Variants in COL12A1 observed in about 807,000 individuals in gnomAD.
The protein encoded by COL12A1 is collagen alpha-1(XII) chain.
COL12A1 carries 114 observed loss-of-function variants against 349.7 expected under a neutral mutation model. The observed-to-expected ratio is 0.33, with a 90% CI of 0.28 to 0.38. The LOEUF is 0.38. Ranked by LOEUF, COL12A1 falls within the 10% of genes least tolerant of loss-of-function variation. The pLI is 1.00. For missense variants in COL12A1, 3,284 were observed against 3,756.9 expected (o/e 0.87, Z 3.29); for synonymous variants, 1,369 against 1,329.0 (o/e 1.03, Z -0.66).
chr6:75,147,112 T>TAG (rs2149408334), intron 23 of COL12A1, among the ~76,000 whole-genome samples: 1 of 152,298 alleles, frequency 6.6e-6, no homozygotes, highest in Admixed American at 6.5e-5. Flanking sequence ...CCAAAGCACT[T>TAG]AGAGTTTCTC....
chr6:75,173,334 A>C (rs1029849740), intron 13 of COL12A1, among the ~76,000 whole-genome samples: 9 of 152,136 alleles, frequency 5.9e-5, no homozygotes, highest in African/African-American at 2.2e-4. Flanking sequence ...TTCTAGAAAC[A>C]GATTTCATGG....
chr6:75,121,161 A>T (rs1414654768), intron 44 of COL12A1, 141 bp downstream of exon 44: 1 of 727,056 alleles, frequency 1.4e-6, no homozygotes, highest in Non-Finnish European at 2.0e-6. Flanking sequence ...TTCCCTCCCA[A>T]AAATACATGA....
intron 13 of COL12A1, among the ~76,000 whole-genome samples, chr6:75,169,217 A>C (rs1406786224): frequency 1.3e-5 from 2 of 152,156 alleles, no homozygotes; most frequent in Non-Finnish European, 2.9e-5. Flanking sequence ...GAATCTGAGG[A>C]GCTCCAGACA....
At chr6:75,108,223 G>A (rs1768663068) in intron 52 of COL12A1, among the ~76,000 whole-genome samples, 1 of 151,456 alleles carries the variant, frequency 6.6e-6, no homozygotes, top group African/African-American at 2.4e-5. Flanking sequence ...AGGAATACAG[G>A]CACATGCCAC....
intron 58 of COL12A1, 95 bp from the exon 59 acceptor site, chr6:75,097,401 G>A (rs1478338342): frequency 1.1e-6 from 1 of 906,500 alleles, no homozygotes; most frequent in Non-Finnish European, 1.7e-6. Context: ...AGGCTGAAGA[G>A]AAGGATTTAG....
intron 31 of COL12A1, among the ~76,000 whole-genome samples, chr6:75,135,095 G>C (rs1054127787): frequency 1.1e-4 from 16 of 151,092 alleles, no homozygotes; most frequent in African/African-American, 3.7e-4. Flanking sequence ...ATTTCAACTT[G>C]CTAGCCGCCA....
At chr6:75,173,789 C>T (rs1039859271) in intron 13 of COL12A1, among the ~76,000 whole-genome samples, 1 of 152,180 alleles carries the variant, frequency 6.6e-6, no homozygotes, top group Non-Finnish European at 1.5e-5. Flanking sequence ...ATATCTACAA[C>T]CTTCCAAGCT....
At chr6:75,182,195 T>C (rs1769347783) in intron 10 of COL12A1, among the ~76,000 whole-genome samples, 1 of 152,132 alleles carries the variant, frequency 6.6e-6, no homozygotes, top group African/African-American at 2.4e-5. Context: ...TAGGAAGGCT[T>C]AATGAAAAGG....
intron 27 of COL12A1, among the ~76,000 whole-genome samples, chr6:75,140,050 G>A (rs1213855457): frequency 1.3e-5 from 2 of 152,128 alleles, no homozygotes; most frequent in Non-Finnish European, 2.9e-5. Context: ...CATTAAGAAT[G>A]TACTTTAAAT....
At chr6:75,115,635 G>T in intron 49 of COL12A1, 149 bp downstream of exon 49, 1 of 1,001,578 alleles carries the variant, frequency 1.0e-6, no homozygotes, top group Non-Finnish European at 1.5e-6. Flanking sequence ...GAAACAATTA[G>T]CCTAACTGTA....
At position 75,090,077 on chromosome 6, in the gene COL12A1, C is replaced by A. The variant is rs1489140831; in HGVS notation, c.8941+33G>T. 6.2e-7 allele frequency: 1 copy of A among 1,608,930 alleles called. No homozygotes were observed. The highest frequency in any genetic ancestry group is 1.1e-5 in the South Asian group (1 of 90,784). On this transcript the variant is annotated intron_variant, in intron 63 of 65. Coordinates refer to ENST00000322507, the MANE Select transcript of COL12A1 (RefSeq NM_004370.6). The surrounding 1 kb of genome is among the most constrained non-coding windows in gnomAD (Gnocchi z 4.1). ...AACTCCTACATTTGCAAATTCCTTCCTTTATCCCAATACAGAAGCCAGAAA... is the reference window on the plus strand; with the variant it reads ...AACTCCTACATTTGCAAATTCCTTCATTTATCCCAATACAGAAGCCAGAAA...
At chr6:75,116,711 T>C (rs1257805255) in intron 47 of COL12A1, among the ~76,000 whole-genome samples, 1 of 152,066 alleles carries the variant, frequency 6.6e-6, no homozygotes, top group Admixed American at 6.6e-5. Context: ...AGGGGAATAT[T>C]ATATTTGTAA....
chr6:75,128,723 C>A (rs1430670479), intron 37 of COL12A1, among the ~76,000 whole-genome samples: 2 of 152,108 alleles, frequency 1.3e-5, no homozygotes, highest in Non-Finnish European at 2.9e-5. Context: ...CTTCAGAACA[C>A]CTTACTGAGT....
Position 75,089,116 on chromosome 6 carries a change from A to G in COL12A1, c.9000T>C (p.Pro3000=), listed in dbSNP as rs1767639584. 2 of 1,610,026 alleles carry G rather than the reference A, an allele frequency of 1.2e-6. No individual in the cohort carries two copies. The highest frequency in any genetic ancestry group is 1.1e-5 in the South Asian group (1 of 90,748). ...GTGSSGPRGL[P]GPPGPQGESR... is the part of the protein sequence containing the mutation. ...TACTAGCAAACCTACCTGGGGGGCC[A>G]GGCAGCCCCCGAGGTCCTGAAGATC... Residue 3000 remains proline, a synonymous_variant, in exon 64 of 66, where the codon CCT becomes CCC. Coordinates refer to ENST00000322507, the MANE Select transcript of COL12A1 (RefSeq NM_004370.6).
At chr6:75,089,578 A>G (rs1362655800) in intron 63 of COL12A1, among the ~76,000 whole-genome samples, 2 of 152,244 alleles carry the variant, frequency 1.3e-5, no homozygotes, top group East Asian at 3.8e-4. Context: ...TCTCTAGAGT[A>G]TTAAGTACTC....
chr6:75,188,462 C>A lies in COL12A1; in HGVS notation c.897G>T (p.Val299=). The A allele has an allele frequency of 6.2e-7, 1 of 1,613,572 alleles. No homozygotes were observed. The highest frequency in any genetic ancestry group is 1.3e-5 in the African/African-American group (1 of 74,974). Residue 299 remains valine, a synonymous_variant, in exon 8 of 66, where the codon GTG becomes GTT. Coordinates refer to ENST00000322507, the MANE Select transcript of COL12A1 (RefSeq NM_004370.6). ...TATCCACAATTGCATCAAAGTTGGC[C>A]ACATTGAAAACATGGTTCAGTGAAG... is the stretch of plus-strand genomic sequence containing the variant. ...STPSLNHVFN[V]ANFDAIVDIQ...
chr6:75,147,113 A>C (rs1242939737), intron 23 of COL12A1, among the ~76,000 whole-genome samples: 3 of 152,228 alleles, frequency 2.0e-5, no homozygotes, highest in Admixed American at 2.0e-4. Flanking sequence ...CAAAGCACTT[A>C]GAGTTTCTCT....
intron 38 of COL12A1, among the ~76,000 whole-genome samples, chr6:75,126,978 G>T (rs1456348679): frequency 1.3e-5 from 2 of 151,968 alleles, no homozygotes; most frequent in African/African-American, 4.8e-5. Context: ...CAGAGATACT[G>T]CCCCCAAGCC....
chr6:75,085,466 T>C lies in COL12A1; in HGVS notation c.*1081A>G, dbSNP rs917579936. On this transcript the variant is annotated 3_prime_UTR_variant, in exon 66 of 66. Coordinates refer to ENST00000322507, the MANE Select transcript of COL12A1 (RefSeq NM_004370.6). ...CACCCGCGGTGATGGCACTCCAGTC[T>C]TAATCTCATAACTATAAATAGATAA... is the stretch of plus-strand genomic sequence containing the variant. 5.0e-6 allele frequency: 2 copies of C among 403,284 alleles called. No homozygotes were observed. Among genetic ancestry groups the C allele is most frequent in the African/African-American group, 4.1e-5 (2 of 48,452 alleles). 25.0% of individuals were successfully genotyped at this position (403,284 alleles called of 1,614,324 possible).
Sources: allele counts gnomAD v4.1 joint callset (sites outside exome capture counted in the v4.1 genomes callset), GRCh38; gene constraint gnomAD v4.1.1; non-coding constraint Gnocchi (gnomAD v3.1); transcripts MANE v1.5; gene names NCBI Gene and HGNC (gene_info 2026-07-23, HGNC 2026-07-21).